The following F13A1 variants were observed in gnomAD, a reference collection of about 807,000 sequenced individuals.
F13A1 encodes the protein FSF, A subunit.
Under a neutral mutation model 80.1 loss-of-function variants are expected in F13A1, and 47 were observed. That is an observed-to-expected ratio of 0.59 (90% CI 0.46 to 0.75). F13A1 has a LOEUF of 0.75. Among genes scored for constraint, F13A1 ranks in the 30% least tolerant of loss-of-function variants. The probability of loss-of-function intolerance (pLI) is 0.00; values close to 1 mark genes in which losing one functional copy is unlikely to be tolerated. For missense variants in F13A1, 817 were observed against 930.4 expected (o/e 0.88, Z 1.59); for synonymous variants, 349 against 344.9 (o/e 1.01, Z -0.13).
In F13A1 at chr6:6,204,790, G is replaced by A. The variant is rs182614172; in HGVS notation, c.1113-7464C>T. Among the ~76,000 whole-genome samples the A allele has an allele frequency of 1.2e-4, 19 of 152,342 alleles. 1 individual carries two copies. In the East Asian group the frequency reaches 2.7e-3, roughly 22 times the overall value. Reference sequence around the variant, plus strand: ...AGGCATGCTGCAGGAATCTTTGATGGAGCTGCGAGCATGACACTATTTCAG... The same window carrying A: ...AGGCATGCTGCAGGAATCTTTGATGAAGCTGCGAGCATGACACTATTTCAG... On this transcript the variant is annotated intron_variant, in intron 8 of 14. Coordinates refer to ENST00000264870, the MANE Select transcript of F13A1 (RefSeq NM_000129.4).
intron 6 of F13A1, among the ~76,000 whole-genome samples, chr6:6,233,423 C>T (rs113428221): frequency 1.6e-4 from 24 of 152,132 alleles, no homozygotes; most frequent in African/African-American, 5.8e-4. Context: ...CTGAACAGAC[C>T]AATAACAAGC....
intron 6 of F13A1, among the ~76,000 whole-genome samples, chr6:6,240,993 A>C (rs1757476800): frequency 6.6e-6 from 1 of 152,202 alleles, no homozygotes. Context: ...AATATAAATC[A>C]GTGGATTCTC....
At chr6:6,222,226 G>C in intron 7 of F13A1, 55 bp from the exon 8 acceptor site, 1 of 1,611,012 alleles carries the variant, frequency 6.2e-7, no homozygotes, top group Non-Finnish European at 8.5e-7. Flanking sequence ...AATAAACACA[G>C]AGTGAAAAAA....
chr6:6,266,815 A>G lies in F13A1; in HGVS notation c.320-6T>C, dbSNP rs1033377530. On this transcript the variant is annotated splice_region_variant and splice_polypyrimidine_tract_variant and intron_variant, in intron 3 of 14. Transcript: ENST00000264870. ...GTTCTCCTGTGGGTAGCGACCTATGAGAAGAGAGAAGAAATACTCTGTTAG... is the reference window on the plus strand; with the variant it reads ...GTTCTCCTGTGGGTAGCGACCTATGGGAAGAGAGAAGAAATACTCTGTTAG... 6.2e-7 allele frequency: 1 copy of G among 1,614,024 alleles called. No individual in the cohort carries two copies. Among genetic ancestry groups the G allele is most frequent in the African/African-American group, 1.3e-5 (1 of 74,922 alleles).
chr6:6,177,955 G>A (rs532213155), intron 11 of F13A1, among the ~76,000 whole-genome samples: 33 of 148,598 alleles, frequency 2.2e-4, no homozygotes, highest in Middle Eastern at 7.0e-3. Flanking sequence ...GTGGGGGCAT[G>A]CTCAGGAGGT....
At chr6:6,191,107 G>A (rs1488243614) in intron 10 of F13A1, among the ~76,000 whole-genome samples, 4 of 152,254 alleles carry the variant, frequency 2.6e-5, no homozygotes, top group Admixed American at 6.5e-5. Context: ...TGCACCCACT[G>A]ACCTGTGCCC....
At chr6:6,164,553 T>C (rs548997595) in intron 13 of F13A1, among the ~76,000 whole-genome samples, 1 of 152,230 alleles carries the variant, frequency 6.6e-6, no homozygotes, top group African/African-American at 2.4e-5. Flanking sequence ...AATTGAGTTG[T>C]GTTTTATACA....
chr6:6,196,348 C>T (rs1277885764), intron 9 of F13A1, among the ~76,000 whole-genome samples: 3 of 152,154 alleles, frequency 2.0e-5, no homozygotes, highest in Non-Finnish European at 2.9e-5. Flanking sequence ...TGGCCATGCC[C>T]ACCATGCATT....
chr6:6,199,942 G>A (rs561317139), intron 8 of F13A1, among the ~76,000 whole-genome samples: 1 of 152,144 alleles, frequency 6.6e-6, no homozygotes, highest in Non-Finnish European at 1.5e-5. Flanking sequence ...TGAGGGACTC[G>A]GATGAGTTGG....
At position 6,305,299 on chromosome 6, in the gene F13A1, C is replaced by T. The variant is rs1229382837; in HGVS notation, c.319+52G>A. The T allele has an allele frequency of 1.9e-6, 3 of 1,601,624 alleles. 1 individual carries two copies. Among genetic ancestry groups the T allele is most frequent in the Non-Finnish European group, 8.6e-7 (1 of 1,168,718 alleles). On this transcript the variant is annotated intron_variant, in intron 3 of 14. Transcript: ENST00000264870. ...CACAACTGTGCCTGTACCCACCTCT[C>T]TCTACAATGCAACCCATGGTGTCAA...
chr6:6,300,535 C>T (rs917169736), intron 3 of F13A1, among the ~76,000 whole-genome samples: 9 of 152,150 alleles, frequency 5.9e-5, no homozygotes, highest in Non-Finnish European at 1.2e-4. Flanking sequence ...CTTTCTTTGA[C>T]TCGGAAAGGG....
chr6:6,261,138 T>G (rs1330919193), intron 4 of F13A1, among the ~76,000 whole-genome samples: 1 of 151,966 alleles, frequency 6.6e-6, no homozygotes, highest in Non-Finnish European at 1.5e-5. Flanking sequence ...CCAGCTAATT[T>G]TTGTATGTTT....
intron 3 of F13A1, among the ~76,000 whole-genome samples, chr6:6,296,885 G>T (rs961406562): frequency 6.7e-6 from 1 of 148,676 alleles, no homozygotes; most frequent in Non-Finnish European, 1.5e-5. Flanking sequence ...CTGTGGGTTT[G>T]TCATAGATAG....
At chr6:6,154,579 G>GC (rs369367603) in intron 13 of F13A1, among the ~76,000 whole-genome samples, 18 of 152,178 alleles carry the variant, frequency 1.2e-4, no homozygotes, top group African/African-American at 3.1e-4. Context: ...TCCTTAGTAA[G>GC]CAAAATTGCC....
chr6:6,299,846 T>G (rs1758393135), intron 3 of F13A1, among the ~76,000 whole-genome samples: 1 of 148,106 alleles, frequency 6.8e-6, no homozygotes, highest in South Asian at 2.1e-4. Flanking sequence ...AGTTTCCAGT[T>G]TTTCTGTTCT....
intron 2 of F13A1, among the ~76,000 whole-genome samples, chr6:6,318,155 A>G (rs1304109150): frequency 6.6e-6 from 1 of 152,248 alleles, no homozygotes; most frequent in Non-Finnish European, 1.5e-5. Flanking sequence ...CAATCAAAAC[A>G]GCCACAATAT....
intron 3 of F13A1, among the ~76,000 whole-genome samples, chr6:6,285,718 TC>T (rs1561679271): frequency 6.6e-6 from 1 of 152,172 alleles, no homozygotes; most frequent in Non-Finnish European, 1.5e-5. Context: ...CAGGCGACCA[TC>T]AGGTGACGGT....
rs1050673198 is a variant in F13A1 at position 6,266,749 on chromosome 6, T to C, written c.380A>G (p.Gln127Arg). The C allele has an allele frequency of 1.2e-6, 2 of 1,614,190 alleles. No individual in the cohort carries two copies. Among genetic ancestry groups the C allele is most frequent in the East Asian group, 2.2e-5 (1 of 44,876 alleles). Reference sequence around the variant, plus strand: ...AATCTTGGCCCCCCACTTTCCACTTTGTAACTCTGAGACTATAGGCACTGG... The same window carrying C: ...AATCTTGGCCCCCCACTTTCCACTTCGTAACTCTGAGACTATAGGCACTGG... ...YIPVPIVSEL[Q>R]SGKWGAKIVM... Residue 127 changes from glutamine (Q) to arginine (R), a missense_variant, in exon 4 of 15, where the codon CAA (glutamine) becomes CGA (arginine). Physicochemically the swap from Gln to Arg is conservative, Grantham distance 43 (BLOSUM62 1). Coordinates refer to ENST00000264870, the MANE Select transcript of F13A1 (RefSeq NM_000129.4).
intron 13 of F13A1, among the ~76,000 whole-genome samples, chr6:6,157,280 C>G (rs930832392): frequency 6.6e-6 from 1 of 151,984 alleles, no homozygotes; most frequent in East Asian, 1.9e-4. Flanking sequence ...ATTCTGTTTA[C>G]GTGAAATTGA....
Sources: allele counts gnomAD v4.1 joint callset (sites outside exome capture counted in the v4.1 genomes callset), GRCh38; gene constraint gnomAD v4.1.1; transcripts MANE v1.5; gene names NCBI Gene and HGNC (gene_info 2026-07-23, HGNC 2026-07-21).